The following TBC1D19 variants were observed in gnomAD, a reference collection of about 807,000 sequenced individuals.
TBC1D19 encodes TBC1 domain family member 19.
Under a neutral mutation model 89.0 loss-of-function variants are expected in TBC1D19, and 60 were observed. That is an observed-to-expected ratio of 0.67 (90% confidence interval 0.55 to 0.84). The LOEUF (loss-of-function observed/expected upper bound fraction) is 0.84, where lower values mean the gene tolerates loss of function less well. Ranked by LOEUF, TBC1D19 falls within the 40% of genes least tolerant of loss-of-function variation. TBC1D19 has a pLI of 0.00. For synonymous variants in TBC1D19, 189 were observed against 199.7 expected (o/e 0.95, Z 0.45); for missense variants, 500 against 610.8 (o/e 0.82, Z 1.91).
chr4:26,779,197 A>C, the TBC1D19 span, among the ~76,000 whole-genome samples: 1 of 152,214 alleles, frequency 6.6e-6, no homozygotes, highest in Non-Finnish European at 1.5e-5. Context: ...TCTGGAGTTA[A>C]ATGAAACTAC....
At chr4:26,855,495 CA>C in the TBC1D19 span, among the ~76,000 whole-genome samples, 1 of 152,178 alleles carries the variant, frequency 6.6e-6, no homozygotes, top group African/African-American at 2.4e-5. Flanking sequence ...TTTACTGGAA[CA>C]AAAATACCGG....
chr4:26,754,132 G>A (rs1203792537), intron 20 of TBC1D19: 1 of 416,364 alleles, frequency 2.4e-6, no homozygotes, highest in African/African-American at 2.0e-5. Flanking sequence ...ATAACCATAT[G>A]GGAAACCAGA....
intron 4 of TBC1D19, among the ~76,000 whole-genome samples, chr4:26,636,453 T>A: frequency 7.8e-6 from 1 of 128,914 alleles, no homozygotes; most frequent in African/African-American, 3.0e-5. Flanking sequence ...TTCTAAGAGA[T>A]AACTGGCCTG....
At chr4:26,660,247 A>G (rs552158375) in intron 8 of TBC1D19, among the ~76,000 whole-genome samples, 467 of 152,254 alleles carry the variant, frequency 3.1e-3, no homozygotes, top group Non-Finnish European at 5.9e-3. Flanking sequence ...TCCTTCTTTC[A>G]AAGTCACCCT....
intron 7 of TBC1D19, among the ~76,000 whole-genome samples, chr4:26,642,208 C>G (rs1446552122): frequency 6.6e-6 from 1 of 152,126 alleles, no homozygotes; most frequent in Non-Finnish European, 1.5e-5. Context: ...AAAGGGAAGC[C>G]CATCAGACTA....
At chr4:26,677,006 G>A (rs543725957) in intron 11 of TBC1D19, among the ~76,000 whole-genome samples, 6 of 152,074 alleles carry the variant, frequency 3.9e-5, no homozygotes, top group Non-Finnish European at 5.9e-5. Context: ...TTTAAATGCA[G>A]CTGCTTAGTG....
chr4:26,751,635 A>G (rs1482726285), intron 19 of TBC1D19, among the ~76,000 whole-genome samples: 1 of 152,134 alleles, frequency 6.6e-6, no homozygotes, highest in East Asian at 1.9e-4. Context: ...CTTGACTTTT[A>G]AAATTTTACC....
chr4:26,821,784 A>G, the TBC1D19 span, among the ~76,000 whole-genome samples: 1 of 152,226 alleles, frequency 6.6e-6, no homozygotes, highest in Admixed American at 6.5e-5. Context: ...CTGTCTGCTC[A>G]TCACACACAG....
chr4:26,658,931 T>G (rs1213502879), intron 7 of TBC1D19, among the ~76,000 whole-genome samples: 2 of 152,212 alleles, frequency 1.3e-5, no homozygotes, highest in Non-Finnish European at 2.9e-5. Context: ...TGAACATTGA[T>G]TTTGTATCCT....
upstream of TBC1D19, among the ~76,000 whole-genome samples, chr4:26,581,023 C>A (rs1326260778): frequency 6.6e-6 from 1 of 152,226 alleles, no homozygotes; most frequent in Non-Finnish European, 1.5e-5. Context: ...TCCTAAATTT[C>A]AGAGAATTTT....
At chr4:26,835,189 G>A in the TBC1D19 span, among the ~76,000 whole-genome samples, 19 of 152,332 alleles carry the variant, frequency 1.2e-4, no homozygotes, top group South Asian at 3.9e-3. Flanking sequence ...AGGCAGGAGT[G>A]TCAGAATCAT....
chr4:26,700,127 C>T (rs527668450), intron 13 of TBC1D19, among the ~76,000 whole-genome samples: 3 of 151,928 alleles, frequency 2.0e-5, no homozygotes, highest in African/African-American at 7.2e-5. Flanking sequence ...ACAACATGCT[C>T]ACCAACAAAT....
intron 1 of TBC1D19, among the ~76,000 whole-genome samples, chr4:26,598,593 A>G (rs1405394503): frequency 6.6e-6 from 1 of 152,062 alleles, no homozygotes; most frequent in Non-Finnish European, 1.5e-5. Context: ...ACGGGGTTTC[A>G]CCATGTTAGC....
chr4:26,802,900 C>T, the TBC1D19 span, among the ~76,000 whole-genome samples: 2 of 152,170 alleles, frequency 1.3e-5, no homozygotes, highest in African/African-American at 2.4e-5. Flanking sequence ...TAGGTTCTGG[C>T]GAGGCCTCTT....
At chr4:26,698,419 T>G (rs528132288) in intron 13 of TBC1D19, among the ~76,000 whole-genome samples, 1 of 152,044 alleles carries the variant, frequency 6.6e-6, no homozygotes, top group Non-Finnish European at 1.5e-5. Flanking sequence ...ATCAAAATCG[T>G]GAAAATGGCC....
At chr4:26,809,805 C>G in the TBC1D19 span, among the ~76,000 whole-genome samples, 14 of 152,274 alleles carry the variant, frequency 9.2e-5, no homozygotes, top group African/African-American at 3.4e-4. Context: ...TGAATCGTCC[C>G]TTCATCAAAC....
chr4:26,808,249 C>T, the TBC1D19 span, among the ~76,000 whole-genome samples: 25 of 152,152 alleles, frequency 1.6e-4, no homozygotes, highest in African/African-American at 5.6e-4. Flanking sequence ...TCAGATGATA[C>T]TATCCATCTG....
intron 13 of TBC1D19, among the ~76,000 whole-genome samples, chr4:26,692,730 G>A (rs1270401782): frequency 6.6e-6 from 1 of 152,188 alleles, no homozygotes; most frequent in Non-Finnish European, 1.5e-5. Flanking sequence ...GAAAGCCAGA[G>A]ACAGAGATAA....
At chr4:26,761,651 A>G in the TBC1D19 span, among the ~76,000 whole-genome samples, 1 of 152,174 alleles carries the variant, frequency 6.6e-6, no homozygotes, top group Non-Finnish European at 1.5e-5. Context: ...AATAAATAAA[A>G]TTTTGTTTCT....
Sources: allele counts gnomAD v4.1 joint callset (sites outside exome capture counted in the v4.1 genomes callset), GRCh38; gene constraint gnomAD v4.1.1; transcripts MANE v1.5; gene names NCBI Gene and HGNC (gene_info 2026-07-23, HGNC 2026-07-21).